The following PAM variants were observed in gnomAD, a reference collection of about 807,000 sequenced individuals.
The protein encoded by PAM is peptidyl-glycine alpha-amidating monooxygenase.
Under a neutral mutation model 122.1 loss-of-function variants are expected in PAM, and 72 were observed. The observed-to-expected ratio is 0.59, with a 90% CI of 0.49 to 0.72. The LOEUF (loss-of-function observed/expected upper bound fraction) is 0.72. Among genes scored for constraint, PAM ranks in the 30% least tolerant of loss-of-function variants. PAM has a pLI of 0.00. For synonymous variants in PAM, 389 were observed against 404.4 expected, an observed-to-expected ratio of 0.96 and a Z score of 0.46; for missense variants, 1,106 against 1,183.7, an observed-to-expected ratio of 0.93 and a Z score of 0.96.
chr5:102,810,367 T>A (rs1384546879), intron 1 of PAM, among the ~76,000 whole-genome samples: 12 of 152,166 alleles, frequency 7.9e-5, no homozygotes, highest in Admixed American at 7.9e-4. Context: ...TTAAAATTGG[T>A]TTAGGAAAGT....
At chr5:102,962,923 T>A (rs1762923635) in intron 14 of PAM, among the ~76,000 whole-genome samples, 2 of 151,878 alleles carry the variant, frequency 1.3e-5, no homozygotes, top group Non-Finnish European at 2.9e-5. Context: ...AATAATTCTA[T>A]GGACACATAA....
intron 1 of PAM, among the ~76,000 whole-genome samples, chr5:102,832,649 A>G (rs1003108384): frequency 6.6e-6 from 1 of 152,206 alleles, no homozygotes; most frequent in African/African-American, 2.4e-5. Context: ...TTGAAACTGC[A>G]GAAAGTGAAA....
intron 15 of PAM, chr5:102,974,739 C>G (rs75238161): frequency 0.042 from 9,574 of 227,790 alleles, 903 homozygotes; most frequent in African/African-American, 0.2. Flanking sequence ...GATAAAAATT[C>G]TTACAATTGA....
intron 1 of PAM, among the ~76,000 whole-genome samples, chr5:102,860,605 G>A (rs258152): frequency 0.17 from 25,175 of 151,786 alleles, 2,733 homozygotes; most frequent in Non-Finnish European, 0.23. Context: ...ATGATCACCT[G>A]AGCCCAGGAG....
intron 1 of PAM, among the ~76,000 whole-genome samples, chr5:102,860,664 C>A (rs1783917677): frequency 6.6e-6 from 1 of 150,498 alleles, no homozygotes. Flanking sequence ...CCAGCCTGGG[C>A]AACAGAGCGT....
chr5:102,757,696 A>G lies in PAM; in HGVS notation c.-374+2348A>G, dbSNP rs116643178. 6.9e-3 allele frequency among the ~76,000 whole-genome samples: 1,048 copies of G among 152,286 alleles called. 9 individuals carry two copies. Among genetic ancestry groups the G allele is most frequent in the Non-Finnish European group, 0.013 (879 of 68,032 alleles). The stretch of plus-strand genomic sequence containing the variant: ...TAAGATTTTTAATAAGCTGGACCTT[A>G]AGGCCTGGTGGGTCCTGAAGTGACT... On this transcript the variant is annotated intron_variant, in intron 1 of 25. Transcript: ENST00000438793.
chr5:102,892,890 T>G (rs1795141739), intron 3 of PAM, among the ~76,000 whole-genome samples: 1 of 151,802 alleles, frequency 6.6e-6, no homozygotes, highest in Admixed American at 6.6e-5. Context: ...ATTTTCAAAT[T>G]GTCGTTTGTT....
chr5:102,959,105 A>T (rs1761717416), intron 12 of PAM, among the ~76,000 whole-genome samples: 1 of 152,152 alleles, frequency 6.6e-6, no homozygotes, highest in African/African-American at 2.4e-5. Flanking sequence ...TTTTTCTATC[A>T]TTGGGAACTT....
At chr5:102,770,006 GTGTA>G (rs1358539335) in intron 1 of PAM, among the ~76,000 whole-genome samples, 2 of 151,634 alleles carry the variant, frequency 1.3e-5, no homozygotes, top group East Asian at 3.9e-4. Flanking sequence ...TTTCCGTTTT[GTGTA>G]TGTGTCTGTC....
chr5:102,783,314 C>G (rs1759568509), intron 1 of PAM, among the ~76,000 whole-genome samples: 1 of 151,770 alleles, frequency 6.6e-6, no homozygotes, highest in Admixed American at 6.6e-5. Flanking sequence ...CCAGAATATC[C>G]TGGGACAAAT....
At chr5:102,846,667 CT>C (rs1457341005) in intron 1 of PAM, among the ~76,000 whole-genome samples, 3 of 152,160 alleles carry the variant, frequency 2.0e-5, no homozygotes, top group Admixed American at 6.5e-5. Context: ...ATAGCAAGGA[CT>C]TTGGGTATGG....
At chr5:102,924,093 C>A (rs913857383) in intron 5 of PAM, among the ~76,000 whole-genome samples, 7 of 152,068 alleles carry the variant, frequency 4.6e-5, no homozygotes, top group Admixed American at 3.9e-4. Flanking sequence ...TTAATGCATT[C>A]CAGTATTCAT....
intron 23 of PAM, among the ~76,000 whole-genome samples, chr5:103,021,105 C>G (rs754813150): frequency 1.3e-5 from 2 of 152,098 alleles, no homozygotes; most frequent in Non-Finnish European, 2.9e-5. Context: ...TACATTTAAT[C>G]CTTATGCCAA....
chr5:102,887,301 C>T (rs1457082615), intron 3 of PAM, among the ~76,000 whole-genome samples: 1 of 152,004 alleles, frequency 6.6e-6, no homozygotes, highest in Non-Finnish European at 1.5e-5. Context: ...GTTTCTCTCT[C>T]TTGCCTCCTC....
At chr5:102,896,325 C>A (rs530424603) in intron 3 of PAM, among the ~76,000 whole-genome samples, 3 of 151,658 alleles carry the variant, frequency 2.0e-5, no homozygotes, top group Non-Finnish European at 3.0e-5. Flanking sequence ...TTTAAAAATG[C>A]AAATGGGATT....
chr5:103,011,598 T>C (rs1780658085), intron 21 of PAM, among the ~76,000 whole-genome samples: 1 of 152,236 alleles, frequency 6.6e-6, no homozygotes, highest in African/African-American at 2.4e-5. Context: ...CAGAGTCTTA[T>C]TCTTTTTGTG....
At chr5:102,859,370 G>C (rs1215372486) in intron 1 of PAM, among the ~76,000 whole-genome samples, 1 of 147,154 alleles carries the variant, frequency 6.8e-6, no homozygotes, top group East Asian at 2.0e-4. Flanking sequence ...GTGTGTGTGT[G>C]TCTTCACTTT....
At chr5:102,856,674 G>A (rs958957410) in intron 1 of PAM, among the ~76,000 whole-genome samples, 2 of 152,044 alleles carry the variant, frequency 1.3e-5, no homozygotes, top group African/African-American at 2.4e-5. Context: ...TTTAAAGGGC[G>A]TCTGTTACTG....
chr5:102,782,777 G>A (rs1458124408), intron 1 of PAM, among the ~76,000 whole-genome samples: 3 of 147,680 alleles, frequency 2.0e-5, no homozygotes, highest in African/African-American at 7.5e-5. Flanking sequence ...ATTTATTACT[G>A]GTGAAACTGG....
Sources: gnomAD v4.1 joint callset for allele counts (sites outside exome capture counted in the v4.1 genomes callset) on GRCh38, gnomAD v4.1.1 for gene constraint, MANE v1.5 for transcripts, NCBI Gene and HGNC (gene_info 2026-07-23, HGNC 2026-07-21) for gene names.